The following PPP1R9A variants were observed in gnomAD, a reference collection of about 807,000 sequenced individuals.
The protein encoded by PPP1R9A is protein phosphatase 1 regulatory subunit 9A.
A neutral mutation model predicts 141.9 loss-of-function variants in PPP1R9A; 59 were observed. That is an observed-to-expected ratio of 0.42 (90% CI 0.34 to 0.52). PPP1R9A has a LOEUF of 0.52. Ranked by LOEUF, PPP1R9A falls within the 20% of genes least tolerant of loss-of-function variation. The pLI, the probability that PPP1R9A is intolerant of heterozygous loss-of-function variation, is 0.10. For synonymous variants in PPP1R9A, 500 were observed against 569.7 expected (o/e 0.88, Z 1.74); for missense variants, 1,444 against 1,611.9 (o/e 0.90, Z 1.78).
intron 2 of PPP1R9A, among the ~76,000 whole-genome samples, chr7:94,942,608 G>GC (rs1454373000): frequency 6.6e-6 from 1 of 151,950 alleles, no homozygotes; most frequent in Non-Finnish European, 1.5e-5. Flanking sequence ...TTCGAGGCAA[G>GC]CCTGGCCAAC....
At chr7:95,276,252 G>C (rs1803166102) in intron 16 of PPP1R9A, among the ~76,000 whole-genome samples, 1 of 152,144 alleles carries the variant, frequency 6.6e-6, no homozygotes, top group Non-Finnish European at 1.5e-5. Flanking sequence ...GCCAGAAAGG[G>C]GGAGGGTGTT....
At chr7:95,202,441 C>G (rs1180352240) in intron 6 of PPP1R9A, 1 of 188,178 alleles carries the variant, frequency 5.3e-6, no homozygotes, top group East Asian at 1.9e-4. Flanking sequence ...AATATTTGAA[C>G]AATTGAAAAA....
intron 4 of PPP1R9A, among the ~76,000 whole-genome samples, chr7:95,148,688 C>CAAAAAAAA (rs80065854): frequency 5.7e-5 from 4 of 69,750 alleles, no homozygotes; most frequent in African/African-American, 7.6e-5. Context: ...TCTAAAAATA[C>CAAAAAAAA]AAAAAAAAAA....
chr7:95,048,424 G>T (rs1171250680), intron 2 of PPP1R9A, among the ~76,000 whole-genome samples: 1 of 152,152 alleles, frequency 6.6e-6, no homozygotes, highest in African/African-American at 2.4e-5. Context: ...TATTATAGCA[G>T]TGTCTTGGAA....
rs114914316 is a variant in PPP1R9A at position 95,076,372 on chromosome 7, G to A, written c.1396-34887G>A. Among the ~76,000 whole-genome samples, 899 of 152,180 alleles carry A rather than the reference G, an allele frequency of 5.9e-3. 9 individuals carry two copies. Among genetic ancestry groups the A allele is most frequent in the African/African-American group, 0.02 (831 of 41,516 alleles). Reference sequence around the variant, plus strand: ...GATCTAGCTTTATTTTTCTTCATAAGGTTAGCATAATTTCCTAATACCATT... The same window carrying A: ...GATCTAGCTTTATTTTTCTTCATAAAGTTAGCATAATTTCCTAATACCATT... On this transcript the variant is annotated intron_variant, in intron 2 of 19. Transcript: ENST00000433360.
At chr7:95,219,726 T>C (rs1230351258) in intron 7 of PPP1R9A, among the ~76,000 whole-genome samples, 1 of 152,168 alleles carries the variant, frequency 6.6e-6, no homozygotes, top group Non-Finnish European at 1.5e-5. Context: ...GCATATTTCA[T>C]TTCTTCGAAT....
At chr7:95,068,369 C>T (rs1168315405) in intron 2 of PPP1R9A, among the ~76,000 whole-genome samples, 1 of 145,152 alleles carries the variant, frequency 6.9e-6, no homozygotes, top group Non-Finnish European at 1.5e-5. Flanking sequence ...ACTTGGGAGG[C>T]TGAGGCAGGA....
At chr7:94,978,135 T>C (rs968635715) in intron 2 of PPP1R9A, among the ~76,000 whole-genome samples, 8 of 152,252 alleles carry the variant, frequency 5.3e-5, no homozygotes, top group African/African-American at 1.9e-4. Flanking sequence ...TCAAAGTAGA[T>C]TGTGATGCAA....
chr7:95,100,977 C>T lies in PPP1R9A; in HGVS notation c.1396-10282C>T, dbSNP rs867429099. Among the ~76,000 whole-genome samples, 195 of 150,318 alleles carry T rather than the reference C, an allele frequency of 1.3e-3. 3 individuals carry two copies. The highest frequency in any genetic ancestry group is 6.8e-3 in the Middle Eastern group (2 of 292). On this transcript the variant is annotated intron_variant, in intron 2 of 19. Transcript: ENST00000433360. ...ACGCCATTCTCCTGCCTCAGCCTCC[C>T]GAGTAGCTGGGACTACAGGCGCCCG... is the stretch of plus-strand genomic sequence containing the variant.
At chr7:95,036,166 A>T (rs934764571) in intron 2 of PPP1R9A, 3 of 152,202 alleles carry the variant, frequency 2.0e-5, no homozygotes, top group African/African-American at 7.2e-5. Flanking sequence ...ATAGAATAGC[A>T]TGGAAATTTA....
At chr7:94,988,143 T>C (rs1801075736) in intron 2 of PPP1R9A, among the ~76,000 whole-genome samples, 1 of 152,096 alleles carries the variant, frequency 6.6e-6, no homozygotes, top group Non-Finnish European at 1.5e-5. Context: ...GTTTGGTCTT[T>C]ATTACAATTA....
chr7:95,269,554 A>G, intron 14 of PPP1R9A, 47 bp downstream of exon 14: 1 of 1,403,620 alleles, frequency 7.1e-7, no homozygotes, highest in African/African-American at 1.5e-5. Context: ...CAGCTTGTAC[A>G]GTATAAAAAT....
intron 2 of PPP1R9A, among the ~76,000 whole-genome samples, chr7:95,034,338 TAAAA>T (rs965052304): frequency 6.6e-6 from 1 of 151,458 alleles, no homozygotes; most frequent in Non-Finnish European, 1.5e-5. Flanking sequence ...CAGCATTAAT[TAAAA>T]AAATATTCTA....
At chr7:94,990,831 T>A (rs918022180) in intron 2 of PPP1R9A, among the ~76,000 whole-genome samples, 23 of 152,118 alleles carry the variant, frequency 1.5e-4, no homozygotes, top group Non-Finnish European at 1.0e-4. Context: ...CTTATTTTAC[T>A]TAACATAATG....
chr7:95,227,109 A>G (rs893888060), intron 8 of PPP1R9A, among the ~76,000 whole-genome samples: 4 of 152,196 alleles, frequency 2.6e-5, no homozygotes, highest in African/African-American at 7.2e-5. Flanking sequence ...AAGAGGTGTA[A>G]TCTAGTTACC....
chr7:95,269,237 A>G lies in PPP1R9A; in HGVS notation c.2854A>G (p.Ile952Val). Residue 952 changes from isoleucine (I) to valine (V), a missense_variant, in exon 14 of 20, where the codon ATT (isoleucine) becomes GTT (valine). Physicochemically the swap from Ile to Val is conservative, Grantham distance 29 (BLOSUM62 3). This residue lies in a region of PPP1R9A where 459 missense variants were observed against 513.8 expected (regional missense o/e 0.89). Coordinates refer to ENST00000433360, the MANE Select transcript of PPP1R9A (RefSeq NM_001166160.2). ...AAACAGTTTCTATAACCACATGCAT[A>G]TTACCAAATTACTTCCACCTAAGGG... ...PSNSFYNHMH[I>V]TKLLPPKGLR... The G allele has an allele frequency of 1.3e-6, 2 of 1,553,984 alleles. No individual in the cohort carries two copies. Among genetic ancestry groups the G allele is most frequent in the Non-Finnish European group, 1.8e-6 (2 of 1,139,356 alleles).
chr7:94,953,330 G>T (rs537317623), intron 2 of PPP1R9A, among the ~76,000 whole-genome samples: 1 of 151,654 alleles, frequency 6.6e-6, no homozygotes, highest in South Asian at 2.1e-4. Context: ...TCTGTTTTGG[G>T]TAGCAGTACC....
chr7:94,934,830 G>A (rs1794585857), intron 2 of PPP1R9A, among the ~76,000 whole-genome samples: 1 of 149,632 alleles, frequency 6.7e-6, no homozygotes, highest in Non-Finnish European at 1.5e-5. Context: ...ACACATACAT[G>A]TATATGTACG....
At chr7:95,234,826 C>G (rs1054764432) in intron 8 of PPP1R9A, among the ~76,000 whole-genome samples, 2 of 152,068 alleles carry the variant, frequency 1.3e-5, no homozygotes, top group African/African-American at 2.4e-5. Flanking sequence ...AGCACATAGA[C>G]CAATGGAGCA....
Sources: allele counts gnomAD v4.1 joint callset (sites outside exome capture counted in the v4.1 genomes callset), GRCh38; gene constraint gnomAD v4.1.1; regional missense constraint gnomAD v4.1.1; transcripts MANE v1.5; gene names NCBI Gene and HGNC (gene_info 2026-07-23, HGNC 2026-07-21).